The following CDH6 variants were observed in gnomAD, a reference collection of about 807,000 sequenced individuals.
CDH6 encodes the protein cadherin 6.
Under a neutral mutation model 78.0 loss-of-function variants are expected in CDH6, and 31 were observed. The observed-to-expected ratio is 0.40, with a 90% CI of 0.30 to 0.54. The LOEUF is 0.54. CDH6 is among the 20% of genes least tolerant of loss of function. CDH6 has a pLI of 0.56. For missense variants in CDH6, 724 were observed against 975.9 expected (o/e 0.74, Z 3.44); for synonymous variants, 376 against 368.8 (o/e 1.02, Z -0.23).
intron 1 of CDH6, among the ~76,000 whole-genome samples, chr5:31,234,658 C>T (rs1156244520): frequency 6.6e-6 from 1 of 152,158 alleles, no homozygotes; most frequent in Non-Finnish European, 1.5e-5. Flanking sequence ...CTTCTCACTC[C>T]CTACCACAAG....
intron 7 of CDH6, among the ~76,000 whole-genome samples, chr5:31,309,044 A>C (rs942250735): frequency 9.9e-5 from 15 of 152,152 alleles, no homozygotes; most frequent in Admixed American, 7.2e-4. Context: ...ATGATCAAGT[A>C]AGTACAATGC....
chr5:31,281,460 AT>A (rs1742861717), intron 2 of CDH6, among the ~76,000 whole-genome samples: 1 of 152,080 alleles, frequency 6.6e-6, no homozygotes, highest in Admixed American at 6.6e-5. Context: ...TACTCAATCA[AT>A]TTTTGACTGG....
intron 1 of CDH6, among the ~76,000 whole-genome samples, chr5:31,221,153 G>A (rs369091300): frequency 6.6e-6 from 1 of 152,144 alleles, no homozygotes; most frequent in African/African-American, 2.4e-5. Flanking sequence ...GCACATTGAC[G>A]AAGTCCTTTG....
intron 1 of CDH6, among the ~76,000 whole-genome samples, chr5:31,240,213 T>G (rs1741561355): frequency 6.6e-6 from 1 of 152,230 alleles, no homozygotes; most frequent in African/African-American, 2.4e-5. Flanking sequence ...AACTATTGCC[T>G]TTGTTTAGTC....
chr5:31,255,032 T>C (rs1742018912), intron 1 of CDH6, among the ~76,000 whole-genome samples: 7 of 152,372 alleles, frequency 4.6e-5, no homozygotes, highest in African/African-American at 1.7e-4. Context: ...TATTTTTCTG[T>C]AGTTTTAAAT....
chr5:31,199,607 T>C (rs1740282409), intron 1 of CDH6, among the ~76,000 whole-genome samples: 1 of 145,458 alleles, frequency 6.9e-6, no homozygotes, highest in African/African-American at 2.5e-5. Flanking sequence ...ATATATATCA[T>C]GGATAGAAGG....
chr5:31,323,412 C>A lies in CDH6; in HGVS notation c.*104C>A. The A allele has an allele frequency of 1.5e-6, 2 of 1,322,020 alleles. No homozygotes were observed. The highest frequency in any genetic ancestry group is 2.1e-6 in the Non-Finnish European group (2 of 965,082). 81.9% of individuals were successfully genotyped at this position (1,322,020 alleles called of 1,614,324 possible). A position where few individuals can be genotyped will look rare whatever the true frequency, so the allele number is the denominator to read the frequency against. ...TGAAGGCTTCTCTGTTCTACCCGTT[C>A]CAAAAGCCAATGGCTGCAGTCCGTG... On this transcript the variant is annotated 3_prime_UTR_variant, in exon 12 of 12. Coordinates refer to ENST00000265071, the MANE Select transcript of CDH6 (RefSeq NM_004932.4).
At chr5:31,276,248 A>G (rs1742690645) in intron 2 of CDH6, among the ~76,000 whole-genome samples, 1 of 152,236 alleles carries the variant, frequency 6.6e-6, no homozygotes, top group African/African-American at 2.4e-5. Context: ...ACAATTATCA[A>G]TACATAAGTA....
At position 31,203,242 on chromosome 5, in the gene CDH6, T is replaced by A. The variant is rs557422773; in HGVS notation, c.-129+9356T>A. 1.8e-3 allele frequency among the ~76,000 whole-genome samples: 250 copies of A among 137,218 alleles called. 4 individuals are homozygous for A. Among genetic ancestry groups the A allele is most frequent in the Middle Eastern group, 7.5e-3 (2 of 268 alleles). The allele number at this position is 137,218 out of a possible 152,430, so 90.0% of individuals were successfully genotyped here. A position where few individuals can be genotyped will look rare whatever the true frequency, so the allele number is the denominator to read the frequency against. On this transcript the variant is annotated intron_variant, in intron 1 of 11. Transcript: ENST00000265071. Reference sequence around the variant, plus strand: ...ATGTTTCAGGCAGGTCCTTTTTTTTTTTTATTTATTTTTTATTATTATACT... The same window carrying A: ...ATGTTTCAGGCAGGTCCTTTTTTTTATTTATTTATTTTTTATTATTATACT...
At chr5:31,279,124 G>T (rs1742784689) in intron 2 of CDH6, among the ~76,000 whole-genome samples, 1 of 152,082 alleles carries the variant, frequency 6.6e-6, no homozygotes, top group African/African-American at 2.4e-5. Flanking sequence ...GCACCAACCT[G>T]CATAGTTGAA....
At chr5:31,281,978 T>C (rs1254908355) in intron 2 of CDH6, among the ~76,000 whole-genome samples, 1 of 152,202 alleles carries the variant, frequency 6.6e-6, no homozygotes, top group Non-Finnish European at 1.5e-5. Context: ...AATTAATGCA[T>C]GCAACACACC....
At chr5:31,239,088 C>T (rs937907575) in intron 1 of CDH6, among the ~76,000 whole-genome samples, 8 of 152,076 alleles carry the variant, frequency 5.3e-5, no homozygotes, top group African/African-American at 1.4e-4. Flanking sequence ...TGTGTGGTTC[C>T]GGAAATCATA....
At chr5:31,257,532 T>G (rs1005079831) in intron 1 of CDH6, among the ~76,000 whole-genome samples, 17 of 152,250 alleles carry the variant, frequency 1.1e-4, no homozygotes, top group Admixed American at 1.0e-3. Context: ...CATTCAGCCA[T>G]GCACGCATTC....
chr5:31,318,131 C>A, intron 11 of CDH6: 1 of 627,956 alleles, frequency 1.6e-6, no homozygotes, highest in South Asian at 1.9e-5. Context: ...GAAACTTGCT[C>A]GTGTCTTTGC....
rs180792041 is a variant in CDH6 at position 31,313,482 on chromosome 5, C to T, written c.1390+28C>T. ...AAGTCCTACCTAATACCGCTGCTGT[C>T]CCCTATTAATAGACTGAGTGTCCCA... On this transcript the variant is annotated intron_variant, in intron 8 of 11. Transcript: ENST00000265071. The T allele has an allele frequency of 1.6e-5, 26 of 1,603,946 alleles. No individual in the cohort carries two copies. In the African/African-American group the frequency reaches 3.2e-4, roughly 20 times the overall value.
intron 7 of CDH6, among the ~76,000 whole-genome samples, chr5:31,306,992 G>A (rs981531340): frequency 1.3e-5 from 2 of 152,154 alleles, no homozygotes; most frequent in Non-Finnish European, 2.9e-5. Flanking sequence ...AGAAAAGCAA[G>A]GGTAAGTCTG....
chr5:31,217,251 C>T (rs1740892328), intron 1 of CDH6, among the ~76,000 whole-genome samples: 1 of 152,102 alleles, frequency 6.6e-6, no homozygotes, highest in African/African-American at 2.4e-5. Context: ...TGGTTTTCAA[C>T]TTTTTAAATT....
chr5:31,260,763 G>A (rs1009364273), intron 1 of CDH6, among the ~76,000 whole-genome samples: 11 of 152,160 alleles, frequency 7.2e-5, no homozygotes, highest in African/African-American at 2.4e-4. Flanking sequence ...CATGGTGAGA[G>A]GTGCCAAAGC....
intron 1 of CDH6, among the ~76,000 whole-genome samples, chr5:31,214,710 T>A (rs1740817645): frequency 6.6e-6 from 1 of 152,214 alleles, no homozygotes; most frequent in African/African-American, 2.4e-5. Flanking sequence ...AATGTGAGCA[T>A]GTCCTGATAA....
Sources: gnomAD v4.1 joint callset for allele counts (sites outside exome capture counted in the v4.1 genomes callset) on GRCh38, gnomAD v4.1.1 for gene constraint, MANE v1.5 for transcripts, NCBI Gene and HGNC (gene_info 2026-07-23, HGNC 2026-07-21) for gene names.